Variants in SRGAP1 observed in about 807,000 individuals in gnomAD.
SRGAP1 encodes the protein SLIT-ROBO Rho GTPase activating protein 1, also known as SLIT-ROBO Rho GTPase-activating protein 1.
In SRGAP1, 43 loss-of-function variants were observed where a neutral mutation model predicts 121.9. The ratio of observed to expected loss-of-function variants is 0.35; its 90% CI spans 0.28 to 0.46. The LOEUF is 0.46. SRGAP1 is among the 20% of genes least tolerant of loss of function. The pLI is 1.00. For synonymous variants in SRGAP1, 447 were observed against 485.4 expected (o/e 0.92, Z 1.04); for missense variants, 1,102 against 1,350.9 (o/e 0.82, Z 2.89).
At chr12:63,930,651 T>A (rs976595695) in intron 1 of SRGAP1, among the ~76,000 whole-genome samples, 2 of 152,160 alleles carry the variant, frequency 1.3e-5, no homozygotes, top group Non-Finnish European at 2.9e-5. Context: ...CAATTTCTTT[T>A]CTCAGAAGAA....
chr12:64,041,754 A>G (rs1360407442), intron 4 of SRGAP1, among the ~76,000 whole-genome samples: 1 of 151,838 alleles, frequency 6.6e-6, no homozygotes, highest in African/African-American at 2.4e-5. Context: ...AAAGGAAGAA[A>G]TGTGTGTACA....
chr12:64,040,102 T>A (rs2034984933), intron 4 of SRGAP1, among the ~76,000 whole-genome samples: 1 of 152,206 alleles, frequency 6.6e-6, no homozygotes, highest in Non-Finnish European at 1.5e-5. Context: ...GTTAACCCCA[T>A]GTTTTACCCT....
chr12:64,032,749 A>G (rs913827175), intron 4 of SRGAP1: 1 of 232,944 alleles, frequency 4.3e-6, no homozygotes, highest in South Asian at 1.2e-4. Context: ...CACATTTCAA[A>G]CATTTCTTTA....
intron 3 of SRGAP1, among the ~76,000 whole-genome samples, chr12:63,994,830 A>G (rs1206133463): frequency 6.6e-6 from 1 of 152,218 alleles, no homozygotes; most frequent in South Asian, 2.1e-4. Flanking sequence ...TGCCTTCTGC[A>G]GTCATGAGCT....
intron 1 of SRGAP1, among the ~76,000 whole-genome samples, chr12:63,916,915 G>A (rs2030805830): frequency 6.6e-6 from 1 of 152,134 alleles, no homozygotes; most frequent in African/African-American, 2.4e-5. Flanking sequence ...TCTGAGAGGA[G>A]AGTGTGCCAT....
chr12:63,887,475 A>G (rs1434225123), intron 1 of SRGAP1: 1 of 152,270 alleles, frequency 6.6e-6, no homozygotes, highest in African/African-American at 2.4e-5. Context: ...GAAGAAGGAA[A>G]AAGCTTTGCA....
At chr12:64,042,181 G>A (rs984630471) in intron 4 of SRGAP1, among the ~76,000 whole-genome samples, 45 of 152,168 alleles carry the variant, frequency 3.0e-4, no homozygotes, top group African/African-American at 1.1e-3. Context: ...ACAGGCATGA[G>A]CCAGCATACC....
chr12:64,064,533 G>C (rs2035503981), intron 7 of SRGAP1, among the ~76,000 whole-genome samples: 1 of 152,158 alleles, frequency 6.6e-6, no homozygotes, highest in Non-Finnish European at 1.5e-5. Context: ...AGTTTTTACT[G>C]TGTGCCAAGC....
intron 3 of SRGAP1, among the ~76,000 whole-genome samples, chr12:64,001,256 A>G: frequency 6.6e-6 from 1 of 152,226 alleles, no homozygotes; most frequent in East Asian, 1.9e-4. Context: ...TCTAGATACA[A>G]CCAAGTTGTT....
chr12:64,017,073 A>T, intron 4 of SRGAP1, 61 bp downstream of exon 4: 5 of 977,812 alleles, frequency 5.1e-6, no homozygotes, highest in Non-Finnish European at 7.9e-6. Flanking sequence ...GTTTGTAAAA[A>T]CACTGCTCAT....
chr12:64,130,749 G>T (rs1050807018), intron 21 of SRGAP1, among the ~76,000 whole-genome samples: 23 of 152,226 alleles, frequency 1.5e-4, no homozygotes, highest in Admixed American at 2.0e-4. Flanking sequence ...CAGAGGTAAT[G>T]CTGTGTGGAA....
At chr12:63,960,583 A>C (rs916467663) in intron 1 of SRGAP1, among the ~76,000 whole-genome samples, 5 of 152,126 alleles carry the variant, frequency 3.3e-5, no homozygotes, top group Non-Finnish European at 5.9e-5. Context: ...AGGCTGAATA[A>C]TGGCTCCCCC....
intron 3 of SRGAP1, among the ~76,000 whole-genome samples, chr12:64,014,976 C>A (rs893691992): frequency 1.6e-5 from 1 of 64,386 alleles, no homozygotes; most frequent in Admixed American, 1.4e-4. Context: ...GCCACCACAC[C>A]TGGCTAATTT....
At chr12:63,983,829 TATATATATATA>T (rs2033333669) in intron 1 of SRGAP1, 107 bp from the exon 2 acceptor site, 3 of 101,884 alleles carry the variant, frequency 2.9e-5, no homozygotes, top group African/African-American at 8.9e-5. Context: ...TATATATATA[TATATATATATA>T]TATATATATA....
chr12:64,033,905 A>T (rs1226791387), intron 4 of SRGAP1, among the ~76,000 whole-genome samples: 1 of 152,030 alleles, frequency 6.6e-6, no homozygotes, highest in Admixed American at 6.6e-5. Context: ...CTGTAATCCC[A>T]GCTACTCAGG....
chr12:63,916,157 C>T (rs1269087632), intron 1 of SRGAP1, among the ~76,000 whole-genome samples: 1 of 151,154 alleles, frequency 6.6e-6, no homozygotes, highest in Admixed American at 6.6e-5. Context: ...CTCACCCTCT[C>T]GAGTAGCTGG....
At chr12:63,971,022 T>C (rs529437336) in intron 1 of SRGAP1, among the ~76,000 whole-genome samples, 2 of 152,196 alleles carry the variant, frequency 1.3e-5, no homozygotes, top group African/African-American at 2.4e-5. Context: ...CACCCTGCGA[T>C]ACAAAGCAAA....
chr12:63,980,754 C>T (rs191341602), intron 1 of SRGAP1, among the ~76,000 whole-genome samples: 26 of 151,958 alleles, frequency 1.7e-4, no homozygotes, highest in Admixed American at 6.6e-4. Flanking sequence ...CCACCACTCC[C>T]GGCTAATTTT....
At chr12:63,916,412 G>A (rs1367210092) in intron 1 of SRGAP1, among the ~76,000 whole-genome samples, 1 of 152,188 alleles carries the variant, frequency 6.6e-6, no homozygotes, top group East Asian at 1.9e-4. Flanking sequence ...GAGAAACTGT[G>A]TGCCATCTTT....
Sources: allele counts gnomAD v4.1 joint callset (sites outside exome capture counted in the v4.1 genomes callset), GRCh38; gene constraint gnomAD v4.1.1; transcripts MANE v1.5; gene names NCBI Gene and HGNC (gene_info 2026-07-23, HGNC 2026-07-21).